The following ZZZ3 variants were observed in gnomAD, a reference collection of about 807,000 sequenced individuals.
The protein encoded by ZZZ3 is zinc finger ZZ-type containing 3.
A neutral mutation model predicts 95.2 loss-of-function variants in ZZZ3; 22 were observed. The ratio of observed to expected loss-of-function variants is 0.23; its 90% CI spans 0.17 to 0.33. The LOEUF (loss-of-function observed/expected upper bound fraction) is 0.33. Among genes scored for constraint, ZZZ3 ranks in the 10% least tolerant of loss-of-function variants. ZZZ3 has a pLI of 1.00. For synonymous variants in ZZZ3, 335 were observed against 358.9 expected (o/e 0.93, Z 0.75); for missense variants, 885 against 1,066.5 (o/e 0.83, Z 2.37).
At chr1:77,647,186 A>G (rs1669358498) in intron 1 of ZZZ3, among the ~76,000 whole-genome samples, 1 of 152,226 alleles carries the variant, frequency 6.6e-6, no homozygotes, top group Non-Finnish European at 1.5e-5. Flanking sequence ...AAAAAAATAC[A>G]TGGCAACACA....
Position 77,590,171 on chromosome 1 carries a change from G to A in ZZZ3, c.1506-5516C>T, listed in dbSNP as rs1663534151. 2.0e-5 allele frequency among the ~76,000 whole-genome samples: 3 copies of A among 152,296 alleles called. No homozygotes were observed. The South Asian group carries it at 6.2e-4, about 32-fold the overall frequency. On this transcript the variant is annotated intron_variant, in intron 5 of 14. Transcript: ENST00000370801. ...GCGGATCACCAGAGGTCAAGGGTTC[G>A]AGACCAGCCTGGCCAACATGGTGAA...
At chr1:77,674,383 G>C (rs1214135106) in intron 1 of ZZZ3, among the ~76,000 whole-genome samples, 1 of 152,046 alleles carries the variant, frequency 6.6e-6, no homozygotes, top group African/African-American at 2.4e-5. Context: ...ATAAATCCTA[G>C]GCTCAAAAGC....
At chr1:77,659,304 T>C (rs1359227267) in intron 1 of ZZZ3, among the ~76,000 whole-genome samples, 4 of 152,154 alleles carry the variant, frequency 2.6e-5, no homozygotes, top group Non-Finnish European at 5.9e-5. Flanking sequence ...AAATGTTTAA[T>C]TTAGTTTAAT....
chr1:77,564,835 G>A lies in ZZZ3; in HGVS notation c.*805C>T, dbSNP rs1424397092. 6.6e-6 allele frequency: 1 copy of A among 152,534 alleles called. No individual in the cohort carries two copies. Among genetic ancestry groups the A allele is most frequent in the Non-Finnish European group, 1.5e-5 (1 of 68,018 alleles). 9.4% of individuals were successfully genotyped at this position (152,534 alleles called of 1,614,324 possible). On this transcript the variant is annotated 3_prime_UTR_variant, in exon 15 of 15. Coordinates refer to ENST00000370801, the MANE Select transcript of ZZZ3 (RefSeq NM_015534.6). ...TGTACTGACAACTCCAAATACAGAG[G>A]CAGAAGGCTGTGTATTTTAAAGGAA...
At chr1:77,611,227 C>T (rs1418409778) in intron 5 of ZZZ3, among the ~76,000 whole-genome samples, 3 of 120,676 alleles carry the variant, frequency 2.5e-5, no homozygotes, top group African/African-American at 8.9e-5. Flanking sequence ...TTTAAAAATA[C>T]CTACCAAAAA....
intron 5 of ZZZ3, among the ~76,000 whole-genome samples, chr1:77,623,519 C>A (rs1667068929): frequency 6.6e-6 from 1 of 152,046 alleles, no homozygotes; most frequent in Non-Finnish European, 1.5e-5. Context: ...ATCACTAAGA[C>A]CATACTATAG....
intron 4 of ZZZ3, among the ~76,000 whole-genome samples, chr1:77,635,721 C>T (rs984522170): frequency 1.3e-5 from 2 of 152,154 alleles, no homozygotes; most frequent in Non-Finnish European, 2.9e-5. Flanking sequence ...GCCTGGCCAA[C>T]ATGGTGAAAC....
chr1:77,665,829 C>T (rs1465860859), intron 1 of ZZZ3, among the ~76,000 whole-genome samples: 6 of 149,336 alleles, frequency 4.0e-5, no homozygotes, highest in Middle Eastern at 3.5e-3. Context: ...GATCACCTGA[C>T]GTCAGAGTTC....
chr1:77,578,657 A>T, intron 11 of ZZZ3, 117 bp downstream of exon 11: 1 of 541,252 alleles, frequency 1.8e-6, no homozygotes, highest in East Asian at 3.6e-5. Flanking sequence ...GGAAATGCTT[A>T]GAATGAACAG....
chr1:77,642,743 C>T (rs182201024), intron 1 of ZZZ3, among the ~76,000 whole-genome samples: 1 of 152,142 alleles, frequency 6.6e-6, no homozygotes, highest in Admixed American at 6.5e-5. Flanking sequence ...ACAGAGTAAA[C>T]CCTATCTCAA....
chr1:77,603,626 C>G (rs939340872), intron 5 of ZZZ3, among the ~76,000 whole-genome samples: 9 of 152,252 alleles, frequency 5.9e-5, no homozygotes, highest in Non-Finnish European at 1.2e-4. Flanking sequence ...TGCCCATTTC[C>G]TGTCCCTAAT....
intron 5 of ZZZ3, among the ~76,000 whole-genome samples, chr1:77,625,752 G>T (rs1667273952): frequency 6.6e-6 from 1 of 152,006 alleles, no homozygotes; most frequent in Non-Finnish European, 1.5e-5. Flanking sequence ...CACTTTGGGA[G>T]GCTGAGGGGG....
Position 77,632,703 on chromosome 1 carries a change from A to C in ZZZ3, c.652T>G (p.Cys218Gly), listed in dbSNP as rs754746441. Residue 218 changes from cysteine to glycine, a missense_variant, in exon 5 of 15, where the codon TGT (cysteine) becomes GGT (glycine). Around this residue, in one of 5 missense-constraint regions of ZZZ3, gnomAD observed 556 missense variants for 652.9 expected, o/e 0.85. Transcript: ENST00000370801. ...TGTTTAGTGTTCCCATCAGGCTGACAGTCATCACAGTTTATAACAGCTGAA... is the reference window on the plus strand; with the variant it reads ...TGTTTAGTGTTCCCATCAGGCTGACCGTCATCACAGTTTATAACAGCTGAA... The part of the protein sequence containing the change: ...SDSAVINCDD[C>G]QPDGNTKQNS... 3.7e-6 allele frequency: 6 copies of C among 1,614,098 alleles called. No individual in the cohort carries two copies. Among genetic ancestry groups the C allele is most frequent in the Non-Finnish European group, 5.1e-6 (6 of 1,180,034 alleles).
chr1:77,603,776 A>T (rs1211647574), intron 5 of ZZZ3, among the ~76,000 whole-genome samples: 2 of 151,256 alleles, frequency 1.3e-5, no homozygotes, highest in Admixed American at 6.6e-5. Flanking sequence ...AGAGCTTCTT[A>T]AAAAAAAAGA....
chr1:77,594,912 T>C (rs958061184), intron 5 of ZZZ3, among the ~76,000 whole-genome samples: 1 of 138,688 alleles, frequency 7.2e-6, no homozygotes, highest in Non-Finnish European at 1.5e-5. Flanking sequence ...GAACTTGCCT[T>C]GACAGGCCCA....
At chr1:77,669,434 CCAT>C (rs1671540928) in intron 1 of ZZZ3, among the ~76,000 whole-genome samples, 2 of 151,448 alleles carry the variant, frequency 1.3e-5, no homozygotes, top group South Asian at 4.2e-4. Flanking sequence ...AGCTAGAATA[CCAT>C]TAAACTTTCT....
chr1:77,650,041 T>TA (rs1395738290), intron 1 of ZZZ3, among the ~76,000 whole-genome samples: 1 of 152,112 alleles, frequency 6.6e-6, no homozygotes, highest in Non-Finnish European at 1.5e-5. Context: ...TGTAAAGTGG[T>TA]ATAACAGCAC....
chr1:77,648,557 G>C (rs1460942583), intron 1 of ZZZ3, among the ~76,000 whole-genome samples: 1 of 152,074 alleles, frequency 6.6e-6, no homozygotes, highest in Non-Finnish European at 1.5e-5. Flanking sequence ...AATGTGAATT[G>C]ATTCTTCTAC....
chr1:77,581,121 T>G (rs895698966), intron 8 of ZZZ3, 52 bp from the exon 9 acceptor site: 1 of 1,356,772 alleles, frequency 7.4e-7, no homozygotes, highest in East Asian at 2.3e-5. Flanking sequence ...CACCTATCCT[T>G]TGATATAGCC....
Sources: gnomAD v4.1 joint callset for allele counts (sites outside exome capture counted in the v4.1 genomes callset) on GRCh38, gnomAD v4.1.1 for gene constraint, gnomAD v4.1.1 regional missense constraint, MANE v1.5 for transcripts, NCBI Gene and HGNC (gene_info 2026-07-23, HGNC 2026-07-21) for gene names.